The following TYR variants were observed in gnomAD, a reference collection of about 807,000 sequenced individuals.
TYR encodes LB24-AB.
In TYR, 58 loss-of-function variants were observed where a neutral mutation model predicts 51.5. That is an observed-to-expected ratio of 1.13 (90% CI 0.91 to 1.40). The LOEUF is 1.40. Ranked by LOEUF, TYR falls within the 40% of genes most tolerant of loss-of-function variation. TYR has a pLI of 0.00. For missense variants in TYR, 732 were observed against 647.4 expected (o/e 1.13, Z -1.42); for synonymous variants, 263 against 235.2 (o/e 1.12, Z -1.08).
At chr11:89,271,772 A>G (rs557469182) in intron 3 of TYR, among the ~76,000 whole-genome samples, 132 of 152,070 alleles carry the variant, frequency 8.7e-4, no homozygotes, top group Middle Eastern at 3.4e-3. Flanking sequence ...CTCAAACCCT[A>G]CTGGTACTTT....
chr11:89,291,001 T>C (rs1315665530), intron 4 of TYR, among the ~76,000 whole-genome samples: 7 of 152,002 alleles, frequency 4.6e-5, no homozygotes, highest in South Asian at 2.1e-4. Flanking sequence ...CCTAAATAGA[T>C]TCTATAGTTA....
chr11:89,187,046 G>C (rs1943383766), intron 1 of TYR, among the ~76,000 whole-genome samples: 1 of 152,144 alleles, frequency 6.6e-6, no homozygotes, highest in Admixed American at 6.6e-5. Context: ...CCAGTCTGTA[G>C]TATTTTCTTA....
At chr11:89,212,535 T>A (rs1051544118) in intron 2 of TYR, among the ~76,000 whole-genome samples, 1 of 152,004 alleles carries the variant, frequency 6.6e-6, no homozygotes, top group Non-Finnish European at 1.5e-5. Flanking sequence ...CCATTCCTTC[T>A]GAAAATATTC....
At chr11:89,263,144 A>G (rs1194034350) in intron 3 of TYR, among the ~76,000 whole-genome samples, 1 of 151,916 alleles carries the variant, frequency 6.6e-6, no homozygotes, top group Non-Finnish European at 1.5e-5. Context: ...GCATATAAAA[A>G]TGTTTATGTC....
At chr11:89,292,241 A>G (rs1429220346) in intron 4 of TYR, among the ~76,000 whole-genome samples, 2 of 151,988 alleles carry the variant, frequency 1.3e-5, no homozygotes, top group Non-Finnish European at 2.9e-5. Context: ...GTCCAATAAC[A>G]CATTCAGTCA....
intron 2 of TYR, among the ~76,000 whole-genome samples, chr11:89,192,443 C>T (rs1943458789): frequency 6.6e-6 from 1 of 152,102 alleles, no homozygotes; most frequent in African/African-American, 2.4e-5. Context: ...GCCTGTGACA[C>T]CTTAACATGT....
intron 3 of TYR, among the ~76,000 whole-genome samples, chr11:89,239,581 G>C (rs1171178569): frequency 6.6e-6 from 1 of 151,406 alleles, no homozygotes; most frequent in Admixed American, 6.6e-5. Context: ...CCTTCCTTCT[G>C]TTAACTTTAG....
At chr11:89,254,863 G>T (rs1454314718) in intron 3 of TYR, among the ~76,000 whole-genome samples, 1 of 151,438 alleles carries the variant, frequency 6.6e-6, no homozygotes, top group African/African-American at 2.4e-5. Flanking sequence ...GCTGGGTTTG[G>T]GTTTGTTTTG....
At chr11:89,279,710 CT>C (rs1944698637) in intron 3 of TYR, among the ~76,000 whole-genome samples, 1 of 151,640 alleles carries the variant, frequency 6.6e-6, no homozygotes, top group Non-Finnish European at 1.5e-5. Flanking sequence ...CCAAAAAGGG[CT>C]ATGCTATTAA....
chr11:89,247,674 A>G (rs1390313042), intron 3 of TYR, among the ~76,000 whole-genome samples: 2 of 152,216 alleles, frequency 1.3e-5, no homozygotes, highest in Non-Finnish European at 2.9e-5. Flanking sequence ...TTTACAAAAA[A>G]GGAAATTGGG....
chr11:89,247,960 T>C (rs1424271068), intron 3 of TYR, among the ~76,000 whole-genome samples: 2 of 152,032 alleles, frequency 1.3e-5, no homozygotes, highest in Non-Finnish European at 2.9e-5. Context: ...AGCCCAGAAA[T>C]CAGGAGACTA....
chr11:89,197,921 T>C (rs968161309), intron 2 of TYR, among the ~76,000 whole-genome samples: 1 of 152,132 alleles, frequency 6.6e-6, no homozygotes, highest in African/African-American at 2.4e-5. Context: ...GAACCTTAAC[T>C]TTTTTTCTGC....
At chr11:89,284,302 C>CCA (rs758931934) in intron 3 of TYR, among the ~76,000 whole-genome samples, 1 of 151,762 alleles carries the variant, frequency 6.6e-6, no homozygotes, top group East Asian at 2.0e-4. Flanking sequence ...CTCATTAAGC[C>CCA]CACACTTCAC....
chr11:89,198,842 T>C lies in TYR; in HGVS notation c.1036+7424T>C, dbSNP rs553300920. On this transcript the variant is annotated intron_variant, in intron 2 of 4. Coordinates refer to ENST00000263321, the MANE Select transcript of TYR (RefSeq NM_000372.5). Reference sequence around the variant, plus strand: ...GTTACATATGTATACATGTGCCATGTTGGTGTGTGCTGCACCCATTAACTC... The same window carrying C: ...GTTACATATGTATACATGTGCCATGCTGGTGTGTGCTGCACCCATTAACTC... Among the ~76,000 whole-genome samples, 9 of 152,056 alleles carry C rather than the reference T, an allele frequency of 5.9e-5. No individual in the cohort carries two copies. In the South Asian group the frequency reaches 1.2e-3, roughly 21 times the overall value.
intron 1 of TYR, among the ~76,000 whole-genome samples, chr11:89,184,125 A>G (rs1321385701): frequency 6.6e-6 from 1 of 152,118 alleles, no homozygotes; most frequent in Non-Finnish European, 1.5e-5. Context: ...TATGCAGTGT[A>G]AAGACTAAGG....
At chr11:89,289,892 T>C (rs16913107) in intron 4 of TYR, among the ~76,000 whole-genome samples, 10,944 of 152,056 alleles carry the variant, frequency 0.072, 479 homozygotes, top group East Asian at 0.12. Flanking sequence ...AGGTGAAATA[T>C]TGATGAAATT....
At chr11:89,291,305 G>A (rs1034842532) in intron 4 of TYR, among the ~76,000 whole-genome samples, 1 of 151,772 alleles carries the variant, frequency 6.6e-6, no homozygotes, top group African/African-American at 2.4e-5. Context: ...AGAAACAATA[G>A]GTTAATTGTT....
intron 3 of TYR, among the ~76,000 whole-genome samples, chr11:89,245,121 G>C (rs755025325): frequency 2.0e-5 from 3 of 152,186 alleles, no homozygotes; most frequent in Non-Finnish European, 4.4e-5. Flanking sequence ...TGTGAAGAAT[G>C]AGTAGATTTT....
chr11:89,291,078 GA>G (rs1303462885), intron 4 of TYR, among the ~76,000 whole-genome samples: 1 of 151,904 alleles, frequency 6.6e-6, no homozygotes, highest in African/African-American at 2.4e-5. Context: ...TTGATTGTGA[GA>G]ATGAGATTTG....
Sources: gnomAD v4.1 joint callset for allele counts (sites outside exome capture counted in the v4.1 genomes callset) on GRCh38, gnomAD v4.1.1 for gene constraint, MANE v1.5 for transcripts, NCBI Gene and HGNC (gene_info 2026-07-23, HGNC 2026-07-21) for gene names.